ARHGAP22: variants seen among roughly 807,000 people sequenced by gnomAD.
ARHGAP22 encodes Rho GTPase activating protein 22.
ARHGAP22 carries 48 observed loss-of-function variants against 59.1 expected under a neutral mutation model. That is an observed-to-expected ratio of 0.81 (90% CI 0.64 to 1.03). ARHGAP22 has a LOEUF of 1.03. Among genes scored for constraint, ARHGAP22 ranks in the 50% least tolerant of loss-of-function variants. The pLI is 0.00. For synonymous variants in ARHGAP22, 445 were observed against 416.4 expected (o/e 1.07, Z -0.84); for missense variants, 1,015 against 958.7 (o/e 1.06, Z -0.78).
chr10:48,469,987 C>T (rs1045634422), intron 4 of ARHGAP22, among the ~76,000 whole-genome samples: 2 of 152,226 alleles, frequency 1.3e-5, no homozygotes, highest in Admixed American at 6.5e-5. Context: ...GATTCTGTCT[C>T]CTCACCAAAA....
intron 4 of ARHGAP22, among the ~76,000 whole-genome samples, chr10:48,467,912 C>T (rs2047876346): frequency 2.0e-5 from 3 of 152,168 alleles, no homozygotes; most frequent in African/African-American, 7.2e-5. Flanking sequence ...AGCTGGGTCA[C>T]GCCTCTTGCT....
chr10:48,643,403 C>A (rs983499326), intron 1 of ARHGAP22, among the ~76,000 whole-genome samples: 1 of 152,082 alleles, frequency 6.6e-6, no homozygotes, highest in Non-Finnish European at 1.5e-5. Context: ...CATGTATAAA[C>A]CATGGAATAC....
rs754466252 is a variant in ARHGAP22 at position 48,450,928 on chromosome 10, C to T, written c.1201G>A (p.Val401Met). ...HRTSSLDGAA[V>M]AVLSRTAPTG... ...GGGGCTGTTCTGGAGAGCACCGCCA[C>T]GGCCGCCCCGTCCAGGGAAGAGGTC... The change falls in exon 9 of 10, where the codon GTG becomes ATG. Residue 401 changes from valine to methionine, a missense_variant. By Grantham distance (21) the Val-to-Met change is conservative. Coordinates refer to ENST00000249601, the MANE Select transcript of ARHGAP22 (RefSeq NM_021226.4). 20 of 1,590,348 alleles carry T rather than the reference C, an allele frequency of 1.3e-5. No homozygotes were observed. The highest frequency in any genetic ancestry group is 1.7e-5 in the Admixed American group (1 of 57,196).
intron 3 of ARHGAP22, among the ~76,000 whole-genome samples, chr10:48,545,259 A>G (rs2056328912): frequency 6.6e-6 from 1 of 152,250 alleles, no homozygotes; most frequent in South Asian, 2.1e-4. Flanking sequence ...ACATCTCTAT[A>G]GAAGAGCGCT....
intron 1 of ARHGAP22, among the ~76,000 whole-genome samples, chr10:48,638,651 T>C (rs1425660346): frequency 6.6e-6 from 1 of 152,174 alleles, no homozygotes; most frequent in Non-Finnish European, 1.5e-5. Context: ...CCCATCTCCA[T>C]GCTATTTATT....
At chr10:48,463,108 A>C (rs772426276) in intron 4 of ARHGAP22, among the ~76,000 whole-genome samples, 1 of 152,240 alleles carries the variant, frequency 6.6e-6, no homozygotes, top group Non-Finnish European at 1.5e-5. Context: ...TAAAAAATCC[A>C]GACGTGGTGA....
At chr10:48,453,168 G>A in intron 8 of ARHGAP22, 136 bp downstream of exon 8, 1 of 1,233,774 alleles carries the variant, frequency 8.1e-7, no homozygotes, top group South Asian at 1.4e-5. Flanking sequence ...AGTCCCCAGA[G>A]ATGGAGATGT....
chr10:48,654,732 G>A (rs1376051498), upstream of ARHGAP22, among the ~76,000 whole-genome samples: 2 of 152,150 alleles, frequency 1.3e-5, no homozygotes, highest in Non-Finnish European at 2.9e-5. Flanking sequence ...GAGACAGAGG[G>A]AGAGGGGGAA....
At chr10:48,640,775 G>A (rs1272625972) in intron 1 of ARHGAP22, among the ~76,000 whole-genome samples, 3 of 151,996 alleles carry the variant, frequency 2.0e-5, no homozygotes, top group East Asian at 3.8e-4. Flanking sequence ...TGAATCTGTA[G>A]GAATAAATGA....
chr10:48,588,683 T>G (rs1206965050), intron 1 of ARHGAP22, among the ~76,000 whole-genome samples: 1 of 152,180 alleles, frequency 6.6e-6, no homozygotes, highest in African/African-American at 2.4e-5. Context: ...CATTCACTCA[T>G]CCATTTATTC....
intron 3 of ARHGAP22, among the ~76,000 whole-genome samples, chr10:48,514,420 A>G (rs1411925929): frequency 2.6e-5 from 4 of 152,214 alleles, no homozygotes; most frequent in Non-Finnish European, 1.5e-5. Flanking sequence ...GGAAACCAGA[A>G]GGCAACAGAA....
intron 2 of ARHGAP22, among the ~76,000 whole-genome samples, chr10:48,577,830 G>A (rs1476873950): frequency 4.5e-5 from 1 of 22,368 alleles, no homozygotes; most frequent in South Asian, 2.6e-3. Flanking sequence ...TTTTTTTTTT[G>A]GAGACAGAGT....
At chr10:48,499,287 G>A (rs1465426484) in intron 3 of ARHGAP22, among the ~76,000 whole-genome samples, 1 of 152,234 alleles carries the variant, frequency 6.6e-6, no homozygotes, top group African/African-American at 2.4e-5. Flanking sequence ...GAGAGCCACA[G>A]GCCGCCCACA....
chr10:48,459,500 C>T (rs1278662344), intron 5 of ARHGAP22, among the ~76,000 whole-genome samples, 184 bp downstream of exon 5: 3 of 152,190 alleles, frequency 2.0e-5, no homozygotes, highest in Non-Finnish European at 2.9e-5. Context: ...TGGCAGGCAT[C>T]CATCCTGAGA....
At chr10:48,568,849 C>G (rs1420653400) in intron 2 of ARHGAP22, among the ~76,000 whole-genome samples, 2 of 152,208 alleles carry the variant, frequency 1.3e-5, no homozygotes, top group Non-Finnish European at 2.9e-5. Context: ...GCCTGCTCTT[C>G]CATGCCATGG....
the ARHGAP22 span, chr10:48,430,305 GCT>G: frequency 6.6e-6 from 1 of 152,124 alleles, no homozygotes; most frequent in Non-Finnish European, 1.5e-5. Flanking sequence ...TGTTGGTCAG[GCT>G]TGTCTCAAAT....
the ARHGAP22 span, chr10:48,435,873 C>T: frequency 6.6e-6 from 1 of 152,238 alleles, no homozygotes; most frequent in Non-Finnish European, 1.5e-5. Context: ...AGATGGTTCA[C>T]TTCTACTAGC....
chr10:48,602,700 C>T (rs113788354), intron 1 of ARHGAP22, among the ~76,000 whole-genome samples: 64 of 152,242 alleles, frequency 4.2e-4, no homozygotes, highest in Non-Finnish European at 7.5e-4. Context: ...ATGATGTCCC[C>T]GAACAGAAAT....
chr10:48,582,081 C>G (rs995962223), intron 2 of ARHGAP22, among the ~76,000 whole-genome samples: 2 of 152,210 alleles, frequency 1.3e-5, no homozygotes, highest in Non-Finnish European at 2.9e-5. Flanking sequence ...CCCCCTTCAC[C>G]CCTTGCCCAT....
Sources: gnomAD v4.1 joint callset for allele counts (sites outside exome capture counted in the v4.1 genomes callset) on GRCh38, gnomAD v4.1.1 for gene constraint, MANE v1.5 for transcripts, NCBI Gene and HGNC (gene_info 2026-07-23, HGNC 2026-07-21) for gene names.